PDZD7: variants seen among roughly 807,000 people sequenced by gnomAD.
PDZD7 encodes the protein PDZ domain containing 7, also known as PDZ domain-containing protein 7.
Under a neutral mutation model 84.7 loss-of-function variants are expected in PDZD7, and 72 were observed. That is an observed-to-expected ratio of 0.85 (90% CI 0.70 to 1.03). PDZD7 has a LOEUF of 1.03. Ranked by LOEUF, PDZD7 falls within the 50% of genes least tolerant of loss-of-function variation. The probability of loss-of-function intolerance (pLI) is 0.00; values close to 1 mark genes in which losing one functional copy is unlikely to be tolerated. For missense variants in PDZD7, 1,490 were observed against 1,412.9 expected (o/e 1.05, Z -0.87); for synonymous variants, 594 against 580.7 (o/e 1.02, Z -0.33).
chr10:101,019,236 C>T lies in PDZD7; in HGVS notation c.929-19G>A. On this transcript the variant is annotated intron_variant, in intron 7 of 16. Coordinates refer to ENST00000619208, the MANE Select transcript of PDZD7 (RefSeq NM_001195263.2). ...TTGCTCACTGCAGGGAGTAGAGAAG[C>T]CAGGGATCAGCGGGCTTGCTTCAGA... 6.5e-7 allele frequency: 1 copy of T among 1,535,304 alleles called. No homozygotes were observed. The highest frequency in any genetic ancestry group is 8.7e-7 in the Non-Finnish European group (1 of 1,146,658).
Position 101,010,502 on chromosome 10 carries a change from G to T in PDZD7, c.2387C>A (p.Ser796Tyr), listed in dbSNP as rs1467076771. The T allele has an allele frequency of 1.3e-6, 2 of 1,534,164 alleles. No individual in the cohort carries two copies. The highest frequency in any genetic ancestry group is 1.7e-6 in the Non-Finnish European group (2 of 1,145,374). Residue 796 changes from serine to tyrosine, a missense_variant, in exon 15 of 17, where the codon TCC becomes TAC. Physicochemically the swap from Ser to Tyr is moderately radical, Grantham distance 144 (BLOSUM62 -2). Coordinates refer to ENST00000619208, the MANE Select transcript of PDZD7 (RefSeq NM_001195263.2). ...GGCAGGGGTAGGCACCGGGGATGGG[G>T]AGCGTCTACCTGGAGACTTGCCTTG... is the stretch of plus-strand genomic sequence containing the variant. ...RGQGKSPGRRSPSPVPTPAPS... is the reference protein window; with the variant it reads ...RGQGKSPGRRYPSPVPTPAPS...
At chr10:101,021,220 G>A (rs914132210) in intron 6 of PDZD7, among the ~76,000 whole-genome samples, 4 of 152,176 alleles carry the variant, frequency 2.6e-5, no homozygotes, top group Admixed American at 2.6e-4. Flanking sequence ...ACCCAGTGAA[G>A]CCTTCACCCC....
chr10:101,011,664 C>T (rs767661533), intron 14 of PDZD7, 26 bp downstream of exon 14: 1 of 1,536,676 alleles, frequency 6.5e-7, no homozygotes, highest in Non-Finnish European at 8.7e-7. Flanking sequence ...CTGTGCCCCT[C>T]CCTGGGCTCT....
intron 2 of PDZD7, among the ~76,000 whole-genome samples, chr10:101,024,444 T>C (rs1590070897): frequency 7.4e-6 from 1 of 134,698 alleles, no homozygotes; most frequent in Non-Finnish European, 1.5e-5. Context: ...GGGTCTCACT[T>C]TGTTGCCCAG....
rs1008182013 is a variant in PDZD7 at position 101,025,648 on chromosome 10, C to T, written c.227-1580G>A. ...CTGCAAGCTCCACCTCCCAGGTTCA[C>T]GCTATTCTCCTGCCTCAGCCTCCCG... On this transcript the variant is annotated intron_variant, in intron 2 of 16. Coordinates refer to ENST00000619208, the MANE Select transcript of PDZD7 (RefSeq NM_001195263.2). 1.0e-4 allele frequency among the ~76,000 whole-genome samples: 15 copies of T among 149,378 alleles called. 2 individuals carry two copies. The East Asian group carries it at 1.0e-3, about 10-fold the overall frequency.
chr10:101,012,202 G>C lies in PDZD7; in HGVS notation c.1806C>G (p.Asp602Glu). 1 of 1,550,438 alleles carries C rather than the reference G, an allele frequency of 6.4e-7. No homozygotes were observed. The highest frequency in any genetic ancestry group is 8.7e-7 in the Non-Finnish European group (1 of 1,146,986). The change falls in exon 12 of 17, where the codon GAC becomes GAG. Residue 602 changes from aspartate to glutamate, a missense_variant. Transcript: ENST00000619208. The part of the protein sequence containing the change: ...DLVRPLLAIL[D>E]RPEKLLLLQD... ...GCAGCAGTAGCAGCTTCTCCGGCCT[G>C]TCGAGGATGGCCAGCAGGGGCCTCA...
At position 101,018,238 on chromosome 10, in the gene PDZD7, C is replaced by T. The variant is rs1335210954; in HGVS notation, c.1383G>A (p.Leu461=). Residue 461 remains leucine, a synonymous_variant, in exon 9 of 17, where the codon CTG becomes CTA. Transcript: ENST00000619208. The part of the protein sequence containing the change: ...KSGSPGEKGA[L]QRSKTLMNLF... ...GGTTCATCAGCGTCTTGGAGCGCTG[C>T]AGGGCACCCTTCTCCCCAGGGGACC... The T allele has an allele frequency of 3.7e-6, 6 of 1,614,172 alleles. No homozygotes were observed. In the South Asian group the frequency reaches 6.6e-5, roughly 18 times the overall value.
At chr10:101,017,087 C>A (rs138069179) in intron 9 of PDZD7, among the ~76,000 whole-genome samples, 16 of 152,228 alleles carry the variant, frequency 1.1e-4, no homozygotes, top group Non-Finnish European at 1.8e-4. Flanking sequence ...GGTACATGAC[C>A]CAGGCTGGCC....
At chr10:101,017,880 AAAGAAAGAAAGAAAAG>A (rs1243053651) in intron 9 of PDZD7, 69 of 240,954 alleles carry the variant, frequency 2.9e-4, no homozygotes, top group South Asian at 6.0e-4. Flanking sequence ...AGAAAGAAAG[AAAGAAAGAAAGAAAAG>A]AAAGAAAGAA....
intron 6 of PDZD7, among the ~76,000 whole-genome samples, chr10:101,020,881 A>T (rs1998249): frequency 2.0e-5 from 3 of 152,212 alleles, no homozygotes; most frequent in Admixed American, 6.5e-5. Context: ...GCCTGGAGGC[A>T]GCCCTGACCC....
At chr10:101,019,450 A>G (rs1459960250) in intron 7 of PDZD7, among the ~76,000 whole-genome samples, 2 of 152,072 alleles carry the variant, frequency 1.3e-5, no homozygotes, top group African/African-American at 4.8e-5. Flanking sequence ...TTTTATCCGC[A>G]GATTCTCAGA....
At chr10:101,012,118 C>G (rs1316927085) in intron 12 of PDZD7, 49 bp downstream of exon 12, 1 of 1,541,520 alleles carries the variant, frequency 6.5e-7, no homozygotes, top group East Asian at 2.5e-5. Context: ...GGGGGTGGTA[C>G]CAGGGATCCC....
intron 1 of PDZD7, 151 bp from the exon 2 acceptor site, chr10:101,030,535 C>A: frequency 1.9e-6 from 1 of 537,700 alleles, no homozygotes; most frequent in Non-Finnish European, 3.4e-6. Context: ...ACTGCCCCGT[C>A]CAGGCACCAT....
Position 101,015,725 on chromosome 10 carries a change from A to G in PDZD7, c.1660T>C (p.Trp554Arg). The G allele has an allele frequency of 6.5e-7, 1 of 1,550,190 alleles. No individual in the cohort carries two copies. The highest frequency in any genetic ancestry group is 1.2e-5 in the South Asian group (1 of 84,044). Residue 554 changes from tryptophan to arginine, a missense_variant, in exon 11 of 17, where the codon TGG becomes CGG. Trp to Arg is a moderately radical substitution (Grantham distance 101). Transcript: ENST00000619208. ...TGAATGAGGGGCCGCCGGCTCTCCC[A>G]GGCCTGAACCTGCTCATCCACATTA... ...LPNVDEQVQAWESRRPLIQDL... is the reference protein window; with the variant it reads ...LPNVDEQVQARESRRPLIQDL...
At chr10:101,024,833 ATATGTGTGTG>A (rs908925183) in intron 2 of PDZD7, among the ~76,000 whole-genome samples, 22 of 87,928 alleles carry the variant, frequency 2.5e-4, no homozygotes, top group African/African-American at 1.5e-3. Context: ...TTCCTTCCTA[ATATGTGTGTG>A]TGTGTGTGTG....
intron 8 of PDZD7, 55 bp from the exon 9 acceptor site, chr10:101,018,351 C>A: frequency 1.3e-6 from 2 of 1,568,624 alleles, no homozygotes; most frequent in Non-Finnish European, 1.8e-6. Flanking sequence ...AAGGGAAGGA[C>A]GAGGGGCAGG....
chr10:101,025,673 G>A (rs1463082454), intron 2 of PDZD7, among the ~76,000 whole-genome samples: 4 of 149,568 alleles, frequency 2.7e-5, no homozygotes, highest in Admixed American at 1.3e-4. Flanking sequence ...TCAGCCTCCC[G>A]AGTAGCTGGG....
At position 101,019,112 on chromosome 10, in the gene PDZD7, T is replaced by C; in HGVS notation, c.1034A>G (p.Asp345Gly). The C allele has an allele frequency of 6.4e-7, 1 of 1,554,552 alleles. No homozygotes were observed. The highest frequency in any genetic ancestry group is 8.6e-7 in the Non-Finnish European group (1 of 1,156,812). ...APYSSGSLPSDRMDICLGQEE... is the reference protein window; with the variant it reads ...APYSSGSLPSGRMDICLGQEE... ...CTGCCCGAGGCAGATGTCCATGCGG[T>C]CCGACGGCAGGGAGCCCGAGCTGTA... Residue 345 changes from aspartate (D) to glycine (G), a missense_variant, in exon 8 of 17, where the codon GAC becomes GGC. Transcript: ENST00000619208.
rs1352539317 is a variant in PDZD7, at chr10:101,019,144, G to T, written c.1002C>A (p.Ser334Arg). 5 of 1,544,416 alleles carry T rather than the reference G, an allele frequency of 3.2e-6. No individual in the cohort carries two copies. Among genetic ancestry groups the T allele is most frequent in the Non-Finnish European group, 4.3e-6 (5 of 1,151,384 alleles). Residue 334 changes from serine (S) to arginine (R), a missense_variant, in exon 8 of 17, where the codon AGC becomes AGA. Physicochemically the swap from Ser to Arg is moderately radical, Grantham distance 110. Coordinates refer to ENST00000619208, the MANE Select transcript of PDZD7 (RefSeq NM_001195263.2). ...SSSSVSSCAS[S>R]APYSSGSLPS... ...GCAGGGAGCCCGAGCTGTAGGGGGC[G>T]CTGGAGGCGCACGAAGAGACGCTGG...
Sources: allele counts gnomAD v4.1 joint callset (sites outside exome capture counted in the v4.1 genomes callset), GRCh38; gene constraint gnomAD v4.1.1; transcripts MANE v1.5; gene names NCBI Gene and HGNC (gene_info 2026-07-23, HGNC 2026-07-21).